MAGI2: variants seen among roughly 807,000 people sequenced by gnomAD.
MAGI2 encodes the protein membrane-associated guanylate kinase, WW and PDZ domain-containing protein 2.
Under a neutral mutation model 133.3 loss-of-function variants are expected in MAGI2, and 35 were observed. The observed-to-expected ratio is 0.26, with a 90% CI of 0.20 to 0.35. The LOEUF (loss-of-function observed/expected upper bound fraction) is 0.35. Ranked by LOEUF, MAGI2 falls within the 10% of genes least tolerant of loss-of-function variation. The pLI is 1.00. For missense variants in MAGI2, 1,636 were observed against 1,863.4 expected (o/e 0.88, Z 2.25); for synonymous variants, 729 against 710.6 (o/e 1.03, Z -0.41).
At chr7:78,123,298 C>T (rs1285044478) in intron 20 of MAGI2, among the ~76,000 whole-genome samples, 4 of 151,618 alleles carry the variant, frequency 2.6e-5, no homozygotes, top group East Asian at 3.9e-4. Flanking sequence ...ATAGTAGCTC[C>T]CTCTCATACC....
At position 79,322,259 on chromosome 7, in the gene MAGI2, T is replaced by C. The variant is rs1020632716; in HGVS notation, c.301+130761A>G. Among the ~76,000 whole-genome samples the C allele has an allele frequency of 5.3e-5, 8 of 152,232 alleles. No individual in the cohort carries two copies. In the East Asian group the frequency reaches 1.2e-3, roughly 22 times the overall value. ...AGAGAGATTACAAGAATCACATAAT[T>C]GTTAGTTATAGAGACAAGAGCAAAA... On this transcript the variant is annotated intron_variant, in intron 1 of 21. Coordinates refer to ENST00000354212, the MANE Select transcript of MAGI2 (RefSeq NM_012301.4).
chr7:78,616,152 C>T (rs571540382), intron 3 of MAGI2: 3 of 152,314 alleles, frequency 2.0e-5, no homozygotes, highest in Admixed American at 6.5e-5. Flanking sequence ...AAAGCCTTTA[C>T]ATTTCTTTAA....
intron 16 of MAGI2, among the ~76,000 whole-genome samples, chr7:78,150,807 G>C (rs1247431513): frequency 6.6e-6 from 1 of 152,118 alleles, no homozygotes; most frequent in Non-Finnish European, 1.5e-5. Flanking sequence ...CTATTCAACA[G>C]TAAGAAAAAT....
intron 1 of MAGI2, among the ~76,000 whole-genome samples, chr7:79,444,719 G>A (rs938034964): frequency 1.3e-4 from 20 of 152,046 alleles, no homozygotes; most frequent in African/African-American, 4.8e-4. Context: ...AATCAATATT[G>A]TGAAAATGGC....
chr7:78,243,224 TAC>T (rs539437959), intron 10 of MAGI2, among the ~76,000 whole-genome samples: 8,377 of 140,630 alleles, frequency 0.06, 289 homozygotes, highest in African/African-American at 0.11. Flanking sequence ...ATGGTTCAGA[TAC>T]ACACACACAC....
chr7:79,348,770 T>C (rs1841491166), intron 1 of MAGI2, among the ~76,000 whole-genome samples: 1 of 151,890 alleles, frequency 6.6e-6, no homozygotes, highest in South Asian at 2.1e-4. Flanking sequence ...TCACTTTCTT[T>C]CCAGAAGCAA....
intron 9 of MAGI2, among the ~76,000 whole-genome samples, chr7:78,338,262 G>A (rs551530276): frequency 8.5e-5 from 13 of 152,070 alleles, no homozygotes; most frequent in African/African-American, 2.2e-4. Context: ...GCGGCGTACC[G>A]CTTTTTCTAG....
intron 7 of MAGI2, among the ~76,000 whole-genome samples, chr7:78,362,216 C>T (rs1241214341): frequency 6.6e-6 from 1 of 151,994 alleles, no homozygotes; most frequent in African/African-American, 2.4e-5. Flanking sequence ...GCACGAGAAT[C>T]GCTTGAACCT....
intron 1 of MAGI2, among the ~76,000 whole-genome samples, chr7:79,064,161 A>G (rs1364581215): frequency 6.6e-6 from 1 of 152,046 alleles, no homozygotes; most frequent in Non-Finnish European, 1.5e-5. Flanking sequence ...ACTACAGAGA[A>G]TATTTCTAGC....
intron 1 of MAGI2, among the ~76,000 whole-genome samples, chr7:79,109,791 G>T (rs1464005387): frequency 2.6e-5 from 4 of 152,040 alleles, no homozygotes; most frequent in Non-Finnish European, 4.4e-5. Flanking sequence ...TTCTAGGCAG[G>T]CTTCTGCCTG....
At chr7:79,248,846 T>C (rs1164744470) in intron 1 of MAGI2, among the ~76,000 whole-genome samples, 1 of 151,332 alleles carries the variant, frequency 6.6e-6, no homozygotes, top group African/African-American at 2.4e-5. Flanking sequence ...TTAAAACCAT[T>C]TTATTTTATT....
chr7:78,178,836 T>C (rs1240080648), intron 13 of MAGI2, among the ~76,000 whole-genome samples: 1 of 152,188 alleles, frequency 6.6e-6, no homozygotes, highest in East Asian at 1.9e-4. Flanking sequence ...TTTGACTTCA[T>C]GAGAGTACTC....
intron 3 of MAGI2, among the ~76,000 whole-genome samples, chr7:78,606,031 G>A (rs558862218): frequency 1.3e-5 from 2 of 152,250 alleles, no homozygotes; most frequent in African/African-American, 2.4e-5. Flanking sequence ...CATGAAGGAG[G>A]TGTTCAGAAA....
chr7:78,302,731 C>T (rs1797936430), intron 9 of MAGI2, among the ~76,000 whole-genome samples: 1 of 152,174 alleles, frequency 6.6e-6, no homozygotes. Flanking sequence ...ATCGAATAGG[C>T]ATTTAAAATT....
At chr7:78,289,241 A>G (rs1297759721) in intron 9 of MAGI2, among the ~76,000 whole-genome samples, 5 of 152,160 alleles carry the variant, frequency 3.3e-5, no homozygotes, top group African/African-American at 7.2e-5. Flanking sequence ...ACTAGAATAA[A>G]CAGCATAGAG....
chr7:78,266,574 GA>G (rs541104484), intron 9 of MAGI2, among the ~76,000 whole-genome samples: 26 of 145,586 alleles, frequency 1.8e-4, no homozygotes, highest in East Asian at 1.3e-3. Flanking sequence ...AGAAGAGGGG[GA>G]AAAAATCCCT....
intron 17 of MAGI2, 40 bp downstream of exon 17, chr7:78,134,981 G>A: frequency 6.3e-7 from 1 of 1,586,068 alleles, no homozygotes; most frequent in Non-Finnish European, 8.6e-7. Flanking sequence ...GTGTGTCCAT[G>A]TGTTGGCCGC....
chr7:78,409,237 T>C (rs1453389879), intron 6 of MAGI2, among the ~76,000 whole-genome samples: 1 of 152,080 alleles, frequency 6.6e-6, no homozygotes, highest in Non-Finnish European at 1.5e-5. Context: ...TTTTTAGGTG[T>C]TAAAATCTCA....
chr7:79,242,949 G>A (rs908457923), intron 1 of MAGI2, among the ~76,000 whole-genome samples: 10 of 152,060 alleles, frequency 6.6e-5, no homozygotes, highest in East Asian at 1.9e-4. Flanking sequence ...AGGCACAGTG[G>A]CTCACATCTG....
Sources: allele counts gnomAD v4.1 joint callset (sites outside exome capture counted in the v4.1 genomes callset), GRCh38; gene constraint gnomAD v4.1.1; transcripts MANE v1.5; gene names NCBI Gene and HGNC (gene_info 2026-07-23, HGNC 2026-07-21).